HPCAL1: variants seen among roughly 807,000 people sequenced by gnomAD.
The protein encoded by HPCAL1 is hippocalcin-like protein 1.
HPCAL1 carries 8 observed loss-of-function variants against 17.1 expected under a neutral mutation model. That is an observed-to-expected ratio of 0.47 (90% CI 0.27 to 0.84). HPCAL1 has a LOEUF of 0.84. HPCAL1 is among the 40% of genes least tolerant of loss of function. The pLI, the probability that HPCAL1 is intolerant of heterozygous loss-of-function variation, is 0.13. For synonymous variants in HPCAL1, 112 were observed against 111.4 expected (o/e 1.01, Z -0.03); for missense variants, 165 against 271.1 (o/e 0.61, Z 2.75).
chr2:10,358,239 G>A (rs1470929985), intron 1 of HPCAL1, among the ~76,000 whole-genome samples: 1 of 152,224 alleles, frequency 6.6e-6, no homozygotes, highest in East Asian at 1.9e-4. Context: ...AGGATGAGGA[G>A]GGAAACAAGC....
intron 1 of HPCAL1, among the ~76,000 whole-genome samples, chr2:10,316,649 A>C (rs890084604): frequency 6.6e-5 from 10 of 152,218 alleles, no homozygotes; most frequent in African/African-American, 2.2e-4. Flanking sequence ...GCCATCAGAA[A>C]AATTGGCTAA....
chr2:10,317,599 G>A (rs151296168), intron 1 of HPCAL1, among the ~76,000 whole-genome samples: 7,290 of 152,146 alleles, frequency 0.048, 254 homozygotes, highest in Middle Eastern at 0.085. Context: ...TGTATTTTTA[G>A]CAGAGACGGG....
chr2:10,329,901 G>C (rs960710727), intron 1 of HPCAL1, among the ~76,000 whole-genome samples: 1 of 152,242 alleles, frequency 6.6e-6, no homozygotes, highest in South Asian at 2.1e-4. Context: ...GACAGCTCCA[G>C]GCCCTGCCTG....
In HPCAL1 at chr2:10,380,618, T is replaced by C. The variant is rs192323586; in HGVS notation, c.-110-16217T>C. On this transcript the variant is annotated intron_variant, in intron 1 of 4. Transcript: ENST00000307845. ...TGGGTGTAGCTTCTTGTAAAGTCCC[T>C]AGCAGGGTTGCTCCCTACAACCCAC... Among the ~76,000 whole-genome samples, 476 of 152,288 alleles carry C rather than the reference T, an allele frequency of 3.1e-3. 1 individual carries two copies. The highest frequency in any genetic ancestry group is 0.011 in the African/African-American group (454 of 41,574).
chr2:10,339,990 A>G (rs889063915), intron 1 of HPCAL1, among the ~76,000 whole-genome samples: 2 of 152,208 alleles, frequency 1.3e-5, no homozygotes, highest in Non-Finnish European at 2.9e-5. Flanking sequence ...TCTGGGCTTC[A>G]TGACATTGGG....
At position 10,363,024 on chromosome 2, in the gene HPCAL1, G is replaced by A. The variant is rs1666616913; in HGVS notation, c.-110-33811G>A. 6.6e-6 allele frequency among the ~76,000 whole-genome samples: 1 copy of A among 152,194 alleles called. No homozygotes were observed. The highest frequency in any genetic ancestry group is 2.4e-5 in the African/African-American group (1 of 41,444). On this transcript the variant is annotated intron_variant, in intron 1 of 4. Coordinates refer to ENST00000307845, the MANE Select transcript of HPCAL1 (RefSeq NM_002149.4). The surrounding 1 kb of genome is among the most constrained non-coding windows in gnomAD (Gnocchi z 4.7). The stretch of plus-strand genomic sequence containing the variant: ...TAATCTCAGCATTTTGGGAGGCCAA[G>A]GTGGGAGGATTACTTGAGCCTAGGA...
chr2:10,351,047 C>T (rs1665813900), intron 1 of HPCAL1, among the ~76,000 whole-genome samples: 1 of 152,188 alleles, frequency 6.6e-6, no homozygotes, highest in South Asian at 2.1e-4. Context: ...TACCATATGA[C>T]CTAGCAGTTG....
chr2:10,409,603 T>C (rs1474755967), intron 2 of HPCAL1, among the ~76,000 whole-genome samples: 1 of 152,030 alleles, frequency 6.6e-6, no homozygotes, highest in Non-Finnish European at 1.5e-5. Context: ...CTGGGTTGGG[T>C]GCTGGATAAG....
chr2:10,426,985 C>G lies in HPCAL1; in HGVS notation c.*164C>G. The G allele has an allele frequency of 1.6e-6, 1 of 625,634 alleles. No homozygotes were observed. The highest frequency in any genetic ancestry group is 2.9e-6 in the Non-Finnish European group (1 of 349,924). The allele number at this position is 625,634 out of a possible 1,614,324, so 38.8% of individuals were successfully genotyped here. On this transcript the variant is annotated 3_prime_UTR_variant, in exon 5 of 5. Transcript: ENST00000307845. ...CGGTGGCTGCGCCTCCCTCCTCCAC[C>G]TGACCAACGCGACATTCCTCCCCTC...
rs1039083952 is a variant in HPCAL1, at chr2:10,362,998, G to A, written c.-110-33837G>A. ...ATGGTTCTCTCAGTGACTCACGCCT[G>A]TAATCTCAGCATTTTGGGAGGCCAA... On this transcript the variant is annotated intron_variant, in intron 1 of 4. Transcript: ENST00000307845. This position sits in a 1 kb window ranked among gnomAD's most constrained non-coding sequence, Gnocchi z 5.0. 1.3e-5 allele frequency among the ~76,000 whole-genome samples: 2 copies of A among 152,212 alleles called. No homozygotes were observed. Among genetic ancestry groups the A allele is most frequent in the Non-Finnish European group, 2.9e-5 (2 of 68,042 alleles).
intron 1 of HPCAL1, among the ~76,000 whole-genome samples, chr2:10,313,491 G>A (rs1219103042): frequency 1.3e-5 from 2 of 152,238 alleles, no homozygotes; most frequent in Non-Finnish European, 2.9e-5. Context: ...GAGTGGCTAG[G>A]TCAGGGCACT....
At chr2:10,408,324 G>A (rs1433072323) in intron 2 of HPCAL1, among the ~76,000 whole-genome samples, 1 of 152,160 alleles carries the variant, frequency 6.6e-6, no homozygotes, top group Non-Finnish European at 1.5e-5. Context: ...GGAGTTGTGG[G>A]GAGTTTAAGA....
chr2:10,399,543 ATCACCGCCACCACTACCG>A (rs1558518834), intron 2 of HPCAL1, among the ~76,000 whole-genome samples: 1 of 99,426 alleles, frequency 1.0e-5, no homozygotes, highest in Non-Finnish European at 1.9e-5. Context: ...CACCGCCACC[ATCACCGCCACCACTACCG>A]CCACCGCCAC....
intron 1 of HPCAL1, among the ~76,000 whole-genome samples, chr2:10,308,580 A>C (rs935177763): frequency 3.9e-5 from 6 of 152,262 alleles, no homozygotes; most frequent in African/African-American, 1.4e-4. Context: ...TTTATCCCCC[A>C]GCACCGACGA....
At chr2:10,406,760 C>T (rs1343420542) in intron 2 of HPCAL1, among the ~76,000 whole-genome samples, 1 of 152,246 alleles carries the variant, frequency 6.6e-6, no homozygotes, top group Non-Finnish European at 1.5e-5. Flanking sequence ...ACGGAACTGT[C>T]ACAGGGACAG....
intron 2 of HPCAL1, among the ~76,000 whole-genome samples, chr2:10,410,436 C>CTTTTTTTTTTTTTTTTTTTTTTTTTT: frequency 1.3e-5 from 1 of 77,494 alleles, no homozygotes; most frequent in Non-Finnish European, 2.3e-5. Context: ...TCTTCTTCTT[C>CTTTTTTTTTTTTTTTTTTTTTTTTTT]TTTTTTTTTT....
At chr2:10,388,718 C>G (rs948061691) in intron 1 of HPCAL1, among the ~76,000 whole-genome samples, 3 of 152,206 alleles carry the variant, frequency 2.0e-5, no homozygotes, top group Non-Finnish European at 1.5e-5. Flanking sequence ...CCACTCCCTG[C>G]CGACCTCGTC....
At chr2:10,398,925 T>A (rs1338615578) in intron 2 of HPCAL1, among the ~76,000 whole-genome samples, 2 of 152,144 alleles carry the variant, frequency 1.3e-5, no homozygotes, top group East Asian at 3.9e-4. Context: ...CACTCCTTCA[T>A]TCTCCATCCA....
intron 1 of HPCAL1, among the ~76,000 whole-genome samples, chr2:10,366,788 C>T (rs952444625): frequency 5.3e-5 from 8 of 152,306 alleles, no homozygotes; most frequent in East Asian, 1.9e-4. Flanking sequence ...CTCTGTGGTA[C>T]GGGCTTTCTG....
Sources: gnomAD v4.1 joint callset for allele counts (sites outside exome capture counted in the v4.1 genomes callset) on GRCh38, gnomAD v4.1.1 for gene constraint, Gnocchi (gnomAD v3.1) non-coding constraint, MANE v1.5 for transcripts, NCBI Gene and HGNC (gene_info 2026-07-23, HGNC 2026-07-21) for gene names.